Variants in PIP5K1C observed in about 807,000 individuals in gnomAD.
PIP5K1C encodes the protein phosphatidylinositol-4-phosphate 5-kinase type 1 gamma.
PIP5K1C carries 45 observed loss-of-function variants against 80.1 expected under a neutral mutation model. That is an observed-to-expected ratio of 0.56 (90% CI 0.44 to 0.72). PIP5K1C has a LOEUF of 0.72. Among genes scored for constraint, PIP5K1C ranks in the 30% least tolerant of loss-of-function variants. The probability of loss-of-function intolerance (pLI) is 0.00; values close to 1 mark genes in which losing one functional copy is unlikely to be tolerated. For missense variants in PIP5K1C, 753 were observed against 954.6 expected, an observed-to-expected ratio of 0.79 and a Z score of 2.78; for synonymous variants, 498 against 420.1, an observed-to-expected ratio of 1.19 and a Z score of -2.27.
intron 14 of PIP5K1C, among the ~76,000 whole-genome samples, chr19:3,642,492 C>T (rs1311969483): frequency 6.6e-6 from 1 of 152,118 alleles, no homozygotes; most frequent in African/African-American, 2.4e-5. Context: ...CCATTTGTGT[C>T]AAAATAAAAG....
At position 3,630,588 on chromosome 19, in the gene PIP5K1C, C is replaced by T. The variant is rs1345663337; in HGVS notation, c.*2579G>A. The T allele has an allele frequency of 6.6e-6, 1 of 152,400 alleles. No individual in the cohort carries two copies. The highest frequency in any genetic ancestry group is 1.5e-5 in the Non-Finnish European group (1 of 68,028). 9.4% of individuals were successfully genotyped at this position (152,400 alleles called of 1,614,324 possible). ...TGGAGACAGTACCATGGTGAAGGAC[C>T]CCATGGCAATGGGAGTATTGCACTG... On this transcript the variant is annotated 3_prime_UTR_variant, in exon 18 of 18. Transcript: ENST00000335312.
chr19:3,643,410 C>G (rs947694643), intron 12 of PIP5K1C, 29 bp from the exon 13 acceptor site: 17 of 1,611,678 alleles, frequency 1.1e-5, no homozygotes, highest in Non-Finnish European at 1.3e-5. Context: ...GGGCACCTTG[C>G]GGAGCCTCCG....
chr19:3,697,288 G>A (rs1304421664), intron 1 of PIP5K1C, among the ~76,000 whole-genome samples: 1 of 150,750 alleles, frequency 6.6e-6, no homozygotes, highest in African/African-American at 2.4e-5. Flanking sequence ...GCCGGATAGA[G>A]GACCGAGCCG....
chr19:3,685,957 G>A (rs1284841646), intron 1 of PIP5K1C, among the ~76,000 whole-genome samples: 4 of 151,688 alleles, frequency 2.6e-5, no homozygotes, highest in Non-Finnish European at 4.4e-5. Flanking sequence ...CAACTCCTGG[G>A]CTCAAGCGAC....
chr19:3,669,396 G>A (rs1285927688), intron 1 of PIP5K1C, among the ~76,000 whole-genome samples: 2 of 152,248 alleles, frequency 1.3e-5, no homozygotes, highest in Non-Finnish European at 2.9e-5. Flanking sequence ...AACTGGGCGA[G>A]GTTCAGGGAG....
chr19:3,637,662 C>G lies in PIP5K1C; in HGVS notation c.1920+1222G>C, dbSNP rs1190107934. 6 of 1,512,298 alleles carry G rather than the reference C, an allele frequency of 4.0e-6. No individual in the cohort carries two copies. Among genetic ancestry groups the G allele is most frequent in the Non-Finnish European group, 5.3e-6 (6 of 1,133,716 alleles). The allele number at this position is 1,512,298 out of a possible 1,614,324, so 93.7% of individuals were successfully genotyped here. A position where few individuals can be genotyped will look rare whatever the true frequency, so the allele number is the denominator to read the frequency against. ...CCGGAGGAGGAAGGAAAACAGAGGA[C>G]AGCGGATGAGGCGGCCACCCCCGTG... On this transcript the variant is annotated intron_variant, in intron 16 of 17. Transcript: ENST00000335312. The surrounding 1 kb of genome is among the most constrained non-coding windows in gnomAD (Gnocchi z 7.0).
chr19:3,666,818 A>C (rs2035028475), intron 2 of PIP5K1C, among the ~76,000 whole-genome samples: 1 of 152,242 alleles, frequency 6.6e-6, no homozygotes, highest in African/African-American at 2.4e-5. Flanking sequence ...CACGCAGGCA[A>C]ACATGCACAC....
intron 16 of PIP5K1C, chr19:3,636,391 C>A (rs1186226223): frequency 4.1e-6 from 4 of 985,326 alleles, no homozygotes. Flanking sequence ...TTCTGGCCCC[C>A]ACACTTCCGC....
At chr19:3,662,349 G>A (rs974384521) in intron 3 of PIP5K1C, among the ~76,000 whole-genome samples, 1 of 152,220 alleles carries the variant, frequency 6.6e-6, no homozygotes, top group African/African-American at 2.4e-5. Context: ...TCACTGTCAA[G>A]AGTTTGTTTT....
chr19:3,655,146 C>T (rs2034579199), intron 6 of PIP5K1C, among the ~76,000 whole-genome samples: 1 of 139,310 alleles, frequency 7.2e-6, no homozygotes, highest in Non-Finnish European at 1.5e-5. Flanking sequence ...AGGCCAGGCG[C>T]GGTGGCTCAC....
chr19:3,646,132 ACGCTG>A, intron 10 of PIP5K1C, 74 bp from the exon 11 acceptor site: 1 of 887,324 alleles, frequency 1.1e-6, no homozygotes, highest in Non-Finnish European at 1.9e-6. Flanking sequence ...CCCCAGACAG[ACGCTG>A]TATGTGTGTG....
chr19:3,689,778 AACAC>A (rs890787727), intron 1 of PIP5K1C, among the ~76,000 whole-genome samples: 2 of 151,930 alleles, frequency 1.3e-5, no homozygotes, highest in African/African-American at 2.4e-5. Flanking sequence ...CGCACACGCT[AACAC>A]ACACACACTA....
Position 3,633,469 on chromosome 19 carries a change from C to A in PIP5K1C, c.1972G>T (p.Ala658Ser). The A allele has an allele frequency of 6.6e-7, 1 of 1,507,030 alleles. No individual in the cohort carries two copies. The allele number at this position is 1,507,030 out of a possible 1,614,324, so 93.4% of individuals were successfully genotyped here. A position where few individuals can be genotyped will look rare whatever the true frequency, so the allele number is the denominator to read the frequency against. Residue 658 changes from alanine (A) to serine (S), a missense_variant, in exon 17 of 18, where the codon GCC (alanine) becomes TCC (serine). By Grantham distance (99) the Ala-to-Ser change is moderately conservative. Transcript: ENST00000335312. ...VYSPLHYSAQ[A>S]PPASDGESDT is the part of the protein sequence containing the mutation. Reference sequence around the variant, plus strand: ...CTCTCGCCGTCGGAGGCCGGGGGGGCCTGGGCGCTATAGTGGAGCGGGGAG... The same window carrying A: ...CTCTCGCCGTCGGAGGCCGGGGGGGACTGGGCGCTATAGTGGAGCGGGGAG...
chr19:3,688,841 G>A lies in PIP5K1C; in HGVS notation c.94+11456C>T, dbSNP rs1405657322. On this transcript the variant is annotated intron_variant, in intron 1 of 17. Coordinates refer to ENST00000335312, the MANE Select transcript of PIP5K1C (RefSeq NM_012398.3). This position sits in a 1 kb window ranked among gnomAD's most constrained non-coding sequence, Gnocchi z 5.3. Reference sequence around the variant, plus strand: ...CCACGTCGCCATGGCCCCCCACCCCGTTTTTGAGCCCCCACACAGCCGAAT... The same window carrying A: ...CCACGTCGCCATGGCCCCCCACCCCATTTTTGAGCCCCCACACAGCCGAAT... Among the ~76,000 whole-genome samples the A allele has an allele frequency of 6.6e-6, 1 of 151,650 alleles. No individual in the cohort carries two copies. Among genetic ancestry groups the A allele is most frequent in the African/African-American group, 2.4e-5 (1 of 41,354 alleles).
intron 1 of PIP5K1C, among the ~76,000 whole-genome samples, chr19:3,681,666 T>C (rs761628643): frequency 6.6e-5 from 10 of 152,240 alleles, no homozygotes; most frequent in South Asian, 2.1e-4. Flanking sequence ...ATTGGACCTA[T>C]TTTACAGCTA....
At chr19:3,656,273 C>T (rs1167635491) in intron 6 of PIP5K1C, 132 bp downstream of exon 6, 7 of 984,002 alleles carry the variant, frequency 7.1e-6, no homozygotes, top group South Asian at 4.1e-5. Flanking sequence ...GGGTGAGTCC[C>T]CGGGACCCAA....
At chr19:3,673,377 T>C (rs2035269798) in intron 1 of PIP5K1C, among the ~76,000 whole-genome samples, 1 of 152,098 alleles carries the variant, frequency 6.6e-6, no homozygotes, top group Admixed American at 6.5e-5. Flanking sequence ...CACCACCTGA[T>C]ACATGGCTGT....
chr19:3,651,550 C>G (rs992626871), intron 8 of PIP5K1C, among the ~76,000 whole-genome samples: 5 of 152,230 alleles, frequency 3.3e-5, no homozygotes, highest in African/African-American at 1.2e-4. Flanking sequence ...TCTCTCATTC[C>G]TGTGGATGGC....
At chr19:3,653,640 C>A in intron 6 of PIP5K1C, 51 bp from the exon 7 acceptor site, 5 of 1,536,682 alleles carry the variant, frequency 3.3e-6, no homozygotes, top group Non-Finnish European at 3.5e-6. Flanking sequence ...CACAGACTCA[C>A]GGGGGCGGGC....
Sources: gnomAD v4.1 joint callset for allele counts (sites outside exome capture counted in the v4.1 genomes callset) on GRCh38, gnomAD v4.1.1 for gene constraint, Gnocchi (gnomAD v3.1) non-coding constraint, MANE v1.5 for transcripts, NCBI Gene and HGNC (gene_info 2026-07-23, HGNC 2026-07-21) for gene names.